ANKRD20A1: variants seen among roughly 807,000 people sequenced by gnomAD.
ANKRD20A1 encodes the protein ankyrin repeat domain-containing protein 20A1.
In ANKRD20A1, 2 loss-of-function variants were observed where a neutral mutation model predicts 50.9. That is an observed-to-expected ratio of 0.04 (90% confidence interval 0.02 to 0.12). The LOEUF is 0.12. Among genes scored for constraint, ANKRD20A1 ranks in the 10% least tolerant of loss-of-function variants. The probability of loss-of-function intolerance (pLI) is 1.00; values close to 1 mark genes in which losing one functional copy is unlikely to be tolerated. For missense variants in ANKRD20A1, 31 were observed against 548.1 expected, an observed-to-expected ratio of 0.06 and a Z score of 9.42; for synonymous variants, 10 against 186.2, an observed-to-expected ratio of 0.05 and a Z score of 7.70.
intron 12 of ANKRD20A1, among the ~76,000 whole-genome samples, chr9:67,894,058 C>T (rs1269214152): frequency 1.3e-5 from 2 of 152,208 alleles, no homozygotes; most frequent in Non-Finnish European, 2.9e-5. Flanking sequence ...AAAAGTCAAC[C>T]CAGTTGCCTA....
chr9:67,867,549 T>A (rs1241650088), intron 4 of ANKRD20A1, among the ~76,000 whole-genome samples, 166 bp downstream of exon 4: 34 of 152,356 alleles, frequency 2.2e-4, no homozygotes, highest in Non-Finnish European at 4.0e-4. Flanking sequence ...ACATAAAGAA[T>A]AGTATATAGT....
At chr9:67,882,355 C>G (rs1399371510) in intron 8 of ANKRD20A1, among the ~76,000 whole-genome samples, 1 of 149,442 alleles carries the variant, frequency 6.7e-6, no homozygotes, top group Non-Finnish European at 1.5e-5. Context: ...TATAATAAAC[C>G]TAATGTAGCT....
At chr9:67,882,440 TG>T (rs1052504742) in intron 8 of ANKRD20A1, among the ~76,000 whole-genome samples, 1 of 136,970 alleles carries the variant, frequency 7.3e-6, no homozygotes, top group African/African-American at 2.8e-5. Flanking sequence ...AGTTTTGATA[TG>T]TTATGTTGAG....
chr9:67,881,105 C>T (rs1827786287), intron 8 of ANKRD20A1, among the ~76,000 whole-genome samples: 1 of 150,712 alleles, frequency 6.6e-6, no homozygotes, highest in Non-Finnish European at 1.5e-5. Context: ...TGTAGTGAGA[C>T]AAAAAAATTA....
At chr9:67,883,064 C>A (rs1365104404) in intron 8 of ANKRD20A1, among the ~76,000 whole-genome samples, 1 of 150,796 alleles carries the variant, frequency 6.6e-6, no homozygotes, top group African/African-American at 2.4e-5. Context: ...GGTTCCAAGT[C>A]TTTGCTATTG....
rs535641293 is a variant in ANKRD20A1 at position 67,891,044 on chromosome 9, C to G, written c.1082-2392C>G. ...GGCGCGGTGGCTCGTGCCTGTAATC[C>G]CAGCACTTTGGGAGGCTGAGACGGG... On this transcript the variant is annotated intron_variant, in intron 11 of 14. Coordinates refer to ENST00000562196, the MANE Select transcript of ANKRD20A1 (RefSeq NM_032250.5). 2.4e-4 allele frequency among the ~76,000 whole-genome samples: 21 copies of G among 86,460 alleles called. 8 individuals carry two copies. In the South Asian group the frequency reaches 8.1e-3, roughly 33 times the overall value. The allele number at this position is 86,460 out of a possible 152,430, so 56.7% of individuals were successfully genotyped here. A position where few individuals can be genotyped will look rare whatever the true frequency, so the allele number is the denominator to read the frequency against.
At chr9:67,881,753 C>T (rs1427703795) in intron 8 of ANKRD20A1, among the ~76,000 whole-genome samples, 3 of 151,190 alleles carry the variant, frequency 2.0e-5, no homozygotes, top group African/African-American at 7.3e-5. Flanking sequence ...CAAGATCGCA[C>T]CATTGCACTC....
At chr9:67,872,358 G>A (rs1465190897) in intron 6 of ANKRD20A1, among the ~76,000 whole-genome samples, 2 of 133,128 alleles carry the variant, frequency 1.5e-5, no homozygotes, top group Non-Finnish European at 1.7e-5. Flanking sequence ...ATACACACAC[G>A]CACATGTGCA....
chr9:67,882,030 A>AGG (rs1245324022), intron 8 of ANKRD20A1, among the ~76,000 whole-genome samples: 1 of 140,930 alleles, frequency 7.1e-6, no homozygotes. Context: ...CCCAGGCTGG[A>AGG]GGGCACTGGT....
At chr9:67,867,928 A>G (rs1036196750) in intron 4 of ANKRD20A1, among the ~76,000 whole-genome samples, 2 of 121,938 alleles carry the variant, frequency 1.6e-5, no homozygotes, top group Non-Finnish European at 3.5e-5. Flanking sequence ...AAGTGCTGGG[A>G]TTACAGGCAT....
chr9:67,881,231 T>C (rs11515790), intron 8 of ANKRD20A1, among the ~76,000 whole-genome samples: 4 of 142,936 alleles, frequency 2.8e-5, no homozygotes, highest in Non-Finnish European at 4.6e-5. Flanking sequence ...CTGGGCAACA[T>C]CGTATCTGAT....
intron 8 of ANKRD20A1, among the ~76,000 whole-genome samples, chr9:67,882,228 C>T (rs1376497041): frequency 1.3e-5 from 2 of 151,186 alleles, no homozygotes; most frequent in East Asian, 2.0e-4. Context: ...CTCAAGTGTT[C>T]TGCCTGCCTC....
At chr9:67,882,422 G>A (rs1188331643) in intron 8 of ANKRD20A1, among the ~76,000 whole-genome samples, 2 of 137,580 alleles carry the variant, frequency 1.5e-5, no homozygotes, top group Non-Finnish European at 3.1e-5. Context: ...AATATTTAAG[G>A]GTGTATAAGT....
intron 9 of ANKRD20A1, among the ~76,000 whole-genome samples, chr9:67,884,957 G>A (rs1827854186): frequency 7.9e-6 from 1 of 126,654 alleles, no homozygotes; most frequent in South Asian, 3.0e-4. Context: ...CTAATAGAGT[G>A]TAATAGCTAA....
At chr9:67,867,718 G>A (rs1827598014) in intron 4 of ANKRD20A1, among the ~76,000 whole-genome samples, 1 of 118,470 alleles carries the variant, frequency 8.4e-6, no homozygotes, top group African/African-American at 2.9e-5. Context: ...GAGTGCAGTG[G>A]TGTGATCTCA....
chr9:67,884,551 A>C lies in ANKRD20A1; in HGVS notation c.960A>C (p.Ile320=). The C allele has an allele frequency of 6.3e-7, 1 of 1,592,168 alleles. No homozygotes were observed. Among genetic ancestry groups the C allele is most frequent in the Middle Eastern group, 2.3e-4 (1 of 4,420 alleles). ...CTTCGCATGAAAAAGGAAACAGAAT[A>C]GTCAATGGACAAGGAGAAGGTGAGA... The part of the protein sequence containing the change: ...PGSSHEKGNR[I]VNGQGEGPPA... Residue 320 remains isoleucine, a synonymous_variant, in exon 9 of 15, where the codon ATA becomes ATC. Transcript: ENST00000562196.
intron 6 of ANKRD20A1, among the ~76,000 whole-genome samples, chr9:67,873,560 TG>T (rs1827691779): frequency 7.2e-6 from 1 of 138,060 alleles, no homozygotes; most frequent in Non-Finnish European, 1.6e-5. Flanking sequence ...AATGAATTTG[TG>T]TCAAGGTTTC....
rs752511512 is a variant in ANKRD20A1 at position 67,900,515 on chromosome 9, T to C, written c.1520T>C (p.Met507Thr). ...TAGGATTTTCATAATCATGAAGAAA[T>C]GAAAGGTCTGATGGATGAAAATTGC... ...PNWDFHNHEE[M>T]KGLMDENCIL... Residue 507 changes from methionine to threonine, a missense_variant, in exon 15 of 15, where the codon ATG becomes ACG. Physicochemically the swap from Met to Thr is moderately conservative, Grantham distance 81. Transcript: ENST00000562196. The C allele has an allele frequency of 1.5e-5, 14 of 958,294 alleles. 5 individuals carry two copies. In the Admixed American group the frequency reaches 3.8e-4, roughly 26 times the overall value. The allele number at this position is 958,294 out of a possible 1,614,324, so 59.4% of individuals were successfully genotyped here.
chr9:67,882,266 A>G (rs1827812101), intron 8 of ANKRD20A1, among the ~76,000 whole-genome samples: 1 of 151,488 alleles, frequency 6.6e-6, no homozygotes, highest in Admixed American at 6.6e-5. Context: ...GGTTACAGGC[A>G]TAAGATATTC....
Sources: allele counts gnomAD v4.1 joint callset (sites outside exome capture counted in the v4.1 genomes callset), GRCh38; gene constraint gnomAD v4.1.1; transcripts MANE v1.5; gene names NCBI Gene and HGNC (gene_info 2026-07-23, HGNC 2026-07-21).